The following NALCN variants were observed in gnomAD, a reference collection of about 807,000 sequenced individuals.
The protein encoded by NALCN is sodium leak channel, non-selective, also known as sodium leak channel NALCN.
In NALCN, 111 loss-of-function variants were observed where a neutral mutation model predicts 225.3. The observed-to-expected ratio is 0.49, with a 90% confidence interval of 0.42 to 0.58. NALCN has a LOEUF of 0.58. NALCN is among the 20% of genes least tolerant of loss of function. The pLI, the probability that NALCN is intolerant of heterozygous loss-of-function variation, is 0.00. For missense variants in NALCN, 1,378 were observed against 2,202.4 expected, an observed-to-expected ratio of 0.63 and a Z score of 7.49; for synonymous variants, 764 against 769.0, an observed-to-expected ratio of 0.99 and a Z score of 0.11.
At chr13:101,096,760 A>C (rs138716506) in intron 27 of NALCN, among the ~76,000 whole-genome samples, 2 of 152,328 alleles carry the variant, frequency 1.3e-5, no homozygotes, top group East Asian at 3.9e-4. Context: ...AGGTTTTAAA[A>C]ATTAAACATC....
intron 3 of NALCN, among the ~76,000 whole-genome samples, chr13:101,384,687 A>C (rs1444860597): frequency 2.6e-5 from 4 of 152,162 alleles, no homozygotes; most frequent in African/African-American, 9.7e-5. Flanking sequence ...CACAGTCTGC[A>C]ATGCATGAAG....
At position 101,144,783 on chromosome 13, in the gene NALCN, T is replaced by C. The variant is rs138543102; in HGVS notation, c.1953A>G (p.Ser651=). 42 of 1,610,188 alleles carry C rather than the reference T, an allele frequency of 2.6e-5. No individual in the cohort carries two copies. The highest frequency in any genetic ancestry group is 3.3e-5 in the Non-Finnish European group (39 of 1,178,542). Residue 651 remains serine, a synonymous_variant, in exon 16 of 44, where the codon TCA becomes TCG. Transcript: ENST00000251127. ...ACCTGATTTTAGGAACTGTAAAATC[T>C]GAAGGAAGCTTTGAGATTTTCACCA... ...PQMVKISKLP[S]DFTVPKIRES... is the part of the protein sequence containing the mutation.
At chr13:101,398,924 A>C in intron 2 of NALCN, 95 bp downstream of exon 2, 1 of 756,850 alleles carries the variant, frequency 1.3e-6, no homozygotes, top group Non-Finnish European at 2.3e-6. Flanking sequence ...TGCAGCTCAG[A>C]TATTTCGAAG....
chr13:101,330,808 A>C (rs540560), intron 7 of NALCN, among the ~76,000 whole-genome samples: 1 of 152,088 alleles, frequency 6.6e-6, no homozygotes, highest in Non-Finnish European at 1.5e-5. Flanking sequence ...TAAGCCTCAC[A>C]AGATCTGACG....
chr13:101,160,590 T>A (rs184778374), intron 15 of NALCN, among the ~76,000 whole-genome samples: 1 of 152,314 alleles, frequency 6.6e-6, no homozygotes, highest in Admixed American at 6.5e-5. Flanking sequence ...TAGATAAACA[T>A]ATTAAATCTC....
At chr13:101,288,176 A>G (rs1479718607) in intron 9 of NALCN, among the ~76,000 whole-genome samples, 1 of 152,176 alleles carries the variant, frequency 6.6e-6, no homozygotes, top group Non-Finnish European at 1.5e-5. Flanking sequence ...GTTTCCTATG[A>G]TGATTGTACT....
rs2043582569 is a variant in NALCN, at chr13:101,292,253, G to C, written c.913C>G (p.Leu305Val). 6.2e-7 allele frequency: 1 copy of C among 1,613,966 alleles called. No homozygotes were observed. Among genetic ancestry groups the C allele is most frequent in the African/African-American group, 1.3e-5 (1 of 74,912 alleles). The change falls in exon 8 of 44, where the codon CTC (leucine) becomes GTC (valine). Residue 305 changes from leucine to valine, a missense_variant. Coordinates refer to ENST00000251127, the MANE Select transcript of NALCN (RefSeq NM_052867.4). This position sits in a 1 kb window ranked among gnomAD's most constrained non-coding sequence, Gnocchi z 4.3. Reference sequence around the variant, plus strand: ...ACAAGCCAGGCGAGGAAGAAAATGAGAGTGATGAAATAGAAGTAGGAACGC... The same window carrying C: ...ACAAGCCAGGCGAGGAAGAAAATGACAGTGATGAAATAGAAGTAGGAACGC... ...RWRSYFYFIT[L>V]IFFLAWLVKN...
chr13:101,162,083 C>T (rs1236595877), intron 15 of NALCN, among the ~76,000 whole-genome samples: 3 of 152,156 alleles, frequency 2.0e-5, no homozygotes, highest in African/African-American at 2.4e-5. Flanking sequence ...CCACAAGGCT[C>T]ATCTTGCAAA....
chr13:101,342,663 T>A (rs1432350591), intron 7 of NALCN, among the ~76,000 whole-genome samples: 1 of 152,172 alleles, frequency 6.6e-6, no homozygotes, highest in Admixed American at 6.5e-5. Flanking sequence ...AGTCCTGTGA[T>A]GTGGTTTATA....
chr13:101,327,606 T>G (rs1594683143), intron 7 of NALCN, among the ~76,000 whole-genome samples: 1 of 152,048 alleles, frequency 6.6e-6, no homozygotes, highest in Non-Finnish European at 1.5e-5. Flanking sequence ...AGAAAGGAGG[T>G]GACTTTCAGG....
At chr13:101,392,679 G>A (rs752807379) in intron 3 of NALCN, among the ~76,000 whole-genome samples, 2 of 152,080 alleles carry the variant, frequency 1.3e-5, no homozygotes, top group African/African-American at 2.4e-5. Flanking sequence ...CTTTAAGTAA[G>A]TAAAAGCAAC....
At chr13:101,114,141 T>C (rs1014898543) in intron 18 of NALCN, among the ~76,000 whole-genome samples, 10 of 152,286 alleles carry the variant, frequency 6.6e-5, no homozygotes, top group African/African-American at 1.9e-4. Flanking sequence ...TGAGAAAACA[T>C]AAGCTTTAAA....
intron 16 of NALCN, among the ~76,000 whole-genome samples, chr13:101,144,217 G>GA (rs1007935673): frequency 2.0e-5 from 3 of 152,140 alleles, no homozygotes; most frequent in African/African-American, 7.2e-5. Context: ...AAACGTGGTA[G>GA]AAAATCAAAT....
intron 37 of NALCN, among the ~76,000 whole-genome samples, chr13:101,070,845 G>C (rs909075447): frequency 6.6e-6 from 1 of 152,180 alleles, no homozygotes; most frequent in African/African-American, 2.4e-5. Context: ...ACCTGAGACT[G>C]GGTAATTTAT....
chr13:101,227,845 G>T (rs186789740), intron 13 of NALCN, among the ~76,000 whole-genome samples: 40 of 152,322 alleles, frequency 2.6e-4, no homozygotes, highest in Non-Finnish European at 5.4e-4. Flanking sequence ...TTCTTGCTAA[G>T]TTCTGGAAGA....
intron 12 of NALCN, among the ~76,000 whole-genome samples, chr13:101,237,155 A>G (rs1005596297): frequency 5.3e-5 from 8 of 152,052 alleles, no homozygotes; most frequent in Non-Finnish European, 1.0e-4. Flanking sequence ...ATAATTAGAA[A>G]GCAATGTGAT....
intron 10 of NALCN, among the ~76,000 whole-genome samples, chr13:101,278,119 A>G (rs906380411): frequency 2.0e-5 from 3 of 152,218 alleles, no homozygotes; most frequent in Non-Finnish European, 2.9e-5. Flanking sequence ...TGTCTCTCAG[A>G]TATTATTGAT....
intron 7 of NALCN, among the ~76,000 whole-genome samples, chr13:101,295,663 A>C (rs907018125): frequency 6.6e-6 from 1 of 152,190 alleles, no homozygotes; most frequent in African/African-American, 2.4e-5. Context: ...GTTGACACAA[A>C]GAGGTGAGAC....
At chr13:101,173,326 C>T (rs1375515802) in intron 15 of NALCN, among the ~76,000 whole-genome samples, 1 of 152,104 alleles carries the variant, frequency 6.6e-6, no homozygotes. Flanking sequence ...GTATGCATGA[C>T]TCATGTTTGG....
Sources: gnomAD v4.1 joint callset for allele counts (sites outside exome capture counted in the v4.1 genomes callset) on GRCh38, gnomAD v4.1.1 for gene constraint, Gnocchi (gnomAD v3.1) non-coding constraint, MANE v1.5 for transcripts, NCBI Gene and HGNC (gene_info 2026-07-23, HGNC 2026-07-21) for gene names.